HECW2: variants seen among roughly 807,000 people sequenced by gnomAD.
The protein encoded by HECW2 is HECT, C2 and WW domain containing E3 ubiquitin protein ligase 2, also known as E3 ubiquitin-protein ligase HECW2.
A neutral mutation model predicts 175.2 loss-of-function variants in HECW2; 61 were observed. The ratio of observed to expected loss-of-function variants is 0.35; its 90% CI spans 0.28 to 0.43. The LOEUF (loss-of-function observed/expected upper bound fraction) is 0.43, where lower values mean the gene tolerates loss of function less well. Among genes scored for constraint, HECW2 ranks in the 20% least tolerant of loss-of-function variants. The probability of loss-of-function intolerance (pLI) is 1.00; values close to 1 mark genes in which losing one functional copy is unlikely to be tolerated. For synonymous variants in HECW2, 671 were observed against 731.0 expected (o/e 0.92, Z 1.32); for missense variants, 1,524 against 2,000.5 (o/e 0.76, Z 4.54).
intron 1 of HECW2, among the ~76,000 whole-genome samples, chr2:196,533,393 C>A (rs752216383): frequency 1.3e-5 from 2 of 152,124 alleles, no homozygotes; most frequent in Non-Finnish European, 2.9e-5. Flanking sequence ...AGGAAGCAAC[C>A]TCAACCACCA....
intron 3 of HECW2, 58 bp downstream of exon 3, chr2:196,343,599 T>A (rs1054975320): frequency 5.6e-6 from 6 of 1,080,898 alleles, no homozygotes; most frequent in Admixed American, 1.9e-5. Flanking sequence ...CTCCATAGAA[T>A]TCTGCATACT....
intron 3 of HECW2, among the ~76,000 whole-genome samples, chr2:196,336,405 C>A (rs1277053982): frequency 3.9e-5 from 6 of 152,152 alleles, no homozygotes. Context: ...GGATTGAATT[C>A]TCTGGACATG....
intron 15 of HECW2, among the ~76,000 whole-genome samples, chr2:196,277,237 C>G (rs1193506852): frequency 1.3e-5 from 2 of 152,120 alleles, no homozygotes; most frequent in African/African-American, 2.4e-5. Context: ...CCATTGGTCC[C>G]TGCAAATCGG....
intron 1 of HECW2, among the ~76,000 whole-genome samples, chr2:196,506,994 C>CA (rs1481577341): frequency 6.6e-6 from 1 of 151,954 alleles, no homozygotes; most frequent in African/African-American, 2.4e-5. Context: ...GGTTTTATTC[C>CA]AAAAATAAAT....
rs565767254 is a variant in HECW2, at chr2:196,331,228, A to C, written c.496-1578T>G. 26 of 985,142 alleles carry C rather than the reference A, an allele frequency of 2.6e-5. 1 individual carries two copies. In the South Asian group the frequency reaches 1.2e-3, roughly 46 times the overall value. The allele number at this position is 985,142 out of a possible 1,614,324, so 61.0% of individuals were successfully genotyped here. A position where few individuals can be genotyped will look rare whatever the true frequency, so the allele number is the denominator to read the frequency against. On this transcript the variant is annotated intron_variant, in intron 4 of 28. Transcript: ENST00000644978. ...TATAGATCCAATTCCTGGGTCATAGAGTTGGCTCTCAACAAACATGTGTGG... is the reference window on the plus strand; with the variant it reads ...TATAGATCCAATTCCTGGGTCATAGCGTTGGCTCTCAACAAACATGTGTGG...
intron 23 of HECW2, among the ~76,000 whole-genome samples, chr2:196,224,305 C>A (rs185836106): frequency 6.6e-6 from 1 of 152,150 alleles, no homozygotes; most frequent in East Asian, 1.9e-4. Flanking sequence ...TGTAAGACAT[C>A]CGAGTGGAGA....
intron 14 of HECW2, among the ~76,000 whole-genome samples, chr2:196,284,101 T>A (rs1031521100): frequency 1.6e-4 from 25 of 152,316 alleles, no homozygotes; most frequent in Middle Eastern, 3.4e-3. Context: ...ATATCATACT[T>A]TATTTTAGGA....
chr2:196,470,286 C>G (rs1443140157), intron 1 of HECW2, among the ~76,000 whole-genome samples: 1 of 151,166 alleles, frequency 6.6e-6, no homozygotes, highest in Non-Finnish European at 1.5e-5. Context: ...GGAGCAAGAC[C>G]TTGTCTCCAA....
At chr2:196,309,775 T>G (rs1691414968) in intron 10 of HECW2, among the ~76,000 whole-genome samples, 1 of 152,082 alleles carries the variant, frequency 6.6e-6, no homozygotes, top group African/African-American at 2.4e-5. Flanking sequence ...GATAAAAAAA[T>G]AGAGACCAAC....
At position 196,355,405 on chromosome 2, in the gene HECW2, A is replaced by G. The variant is rs542511993; in HGVS notation, c.293-11641T>C. Among the ~76,000 whole-genome samples the G allele has an allele frequency of 1.7e-4, 26 of 152,348 alleles. No homozygotes were observed. The East Asian group carries it at 4.6e-3, about 27-fold the overall frequency. ...GGTAAACACCTTAGCACAAGATCCA[A>G]CATTAGGCCCTTCAAGAATTTTCTA... On this transcript the variant is annotated intron_variant, in intron 2 of 28. Transcript: ENST00000644978.
intron 2 of HECW2, among the ~76,000 whole-genome samples, chr2:196,428,903 G>A (rs1378142577): frequency 1.3e-5 from 2 of 152,202 alleles, no homozygotes; most frequent in Admixed American, 6.5e-5. Flanking sequence ...TAAACCAAGA[G>A]AAGAACATTT....
At chr2:196,432,219 T>C (rs1344136587) in intron 2 of HECW2, among the ~76,000 whole-genome samples, 2 of 152,138 alleles carry the variant, frequency 1.3e-5, no homozygotes, top group East Asian at 3.8e-4. Flanking sequence ...GGGTCTTTTT[T>C]TCCTCTGATT....
At chr2:196,384,006 G>T (rs965930935) in intron 2 of HECW2, among the ~76,000 whole-genome samples, 6 of 152,172 alleles carry the variant, frequency 3.9e-5, no homozygotes, top group Admixed American at 2.0e-4. Context: ...GTTACTGAGG[G>T]TTAGATGAGG....
At chr2:196,257,971 A>G in intron 17 of HECW2, 65 bp from the exon 18 acceptor site, 1 of 1,168,658 alleles carries the variant, frequency 8.6e-7, no homozygotes. Flanking sequence ...CTCAGTAGTA[A>G]AGAGCATTTT....
chr2:196,477,092 G>T, intron 1 of HECW2, among the ~76,000 whole-genome samples: 1 of 150,314 alleles, frequency 6.7e-6, no homozygotes, highest in East Asian at 1.9e-4. Context: ...AACAGGAGCT[G>T]TGATTACACC....
At chr2:196,467,540 T>C (rs1367564847) in intron 1 of HECW2, among the ~76,000 whole-genome samples, 1 of 152,240 alleles carries the variant, frequency 6.6e-6, no homozygotes, top group East Asian at 1.9e-4. Flanking sequence ...CATTCTAATG[T>C]TGGTTTCAGC....
At chr2:196,370,507 G>A (rs1374406140) in intron 2 of HECW2, among the ~76,000 whole-genome samples, 2 of 152,178 alleles carry the variant, frequency 1.3e-5, no homozygotes, top group African/African-American at 4.8e-5. Context: ...GATGGCACAA[G>A]CACTCCCCTG....
In HECW2 at chr2:196,469,116, T is replaced by C. The variant is rs528307128; in HGVS notation, c.-35-35658A>G. 3.2e-4 allele frequency among the ~76,000 whole-genome samples: 30 copies of C among 94,314 alleles called. No individual in the cohort carries two copies. The South Asian group carries it at 1.0e-2, about 31-fold the overall frequency. 61.9% of individuals were successfully genotyped at this position (94,314 alleles called of 152,430 possible). ...GTCACTGAACCTGTGTGTGTGTGTG[T>C]GTGCGTGTGTGTGTGTGTGTGTGTG... On this transcript the variant is annotated intron_variant, in intron 1 of 28. Transcript: ENST00000644978.
rs1156744853 is a variant in HECW2, at chr2:196,220,153, C to T, written c.4294G>A (p.Val1432Met). 1.9e-6 allele frequency: 3 copies of T among 1,598,426 alleles called. No individual in the cohort carries two copies. Among genetic ancestry groups the T allele is most frequent in the Admixed American group, 3.3e-5 (2 of 59,980 alleles). Residue 1432 changes from valine to methionine, a missense_variant and splice_region_variant, in exon 26 of 29, where the codon GTG becomes ATG. By Grantham distance (21) the Val-to-Met change is conservative. This residue lies in a region of HECW2 where 134 missense variants were observed against 287.8 expected (regional missense o/e 0.47). Transcript: ENST00000644978. The stretch of plus-strand genomic sequence containing the variant: ...ACAGATACCAGCCTGGCATCCACCA[C>T]CTGTGGAATAAAAAGAGTACAAGGC... ...TESLVRGFYE[V>M]VDARLVSVFD...
Sources: allele counts gnomAD v4.1 joint callset (sites outside exome capture counted in the v4.1 genomes callset), GRCh38; gene constraint gnomAD v4.1.1; regional missense constraint gnomAD v4.1.1; transcripts MANE v1.5; gene names NCBI Gene and HGNC (gene_info 2026-07-23, HGNC 2026-07-21).